The following SPAG16 variants were observed in gnomAD, a reference collection of about 807,000 sequenced individuals.
SPAG16 encodes sperm associated antigen 16.
SPAG16 carries 86 observed loss-of-function variants against 80.4 expected under a neutral mutation model. The ratio of observed to expected loss-of-function variants is 1.07; its 90% confidence interval spans 0.90 to 1.28. The LOEUF is 1.28. Among genes scored for constraint, SPAG16 ranks in the 50% most tolerant of loss-of-function variants. The probability of loss-of-function intolerance (pLI) is 0.00; values close to 1 mark genes in which losing one functional copy is unlikely to be tolerated. For synonymous variants in SPAG16, 294 were observed against 265.9 expected (o/e 1.11, Z -1.03); for missense variants, 870 against 765.3 (o/e 1.14, Z -1.61).
chr2:214,139,174 G>T (rs772152447), intron 14 of SPAG16, among the ~76,000 whole-genome samples: 2 of 152,034 alleles, frequency 1.3e-5, no homozygotes, highest in Non-Finnish European at 2.9e-5. Context: ...TTATATTTAA[G>T]ACAATTTTTT....
At chr2:214,042,808 G>T (rs1162652550) in intron 13 of SPAG16, among the ~76,000 whole-genome samples, 1 of 152,080 alleles carries the variant, frequency 6.6e-6, no homozygotes, top group Non-Finnish European at 1.5e-5. Context: ...CCAAGCTAAA[G>T]TGCTCAGCAG....
At chr2:213,313,940 C>T (rs1008998676) in intron 4 of SPAG16, among the ~76,000 whole-genome samples, 79 of 151,752 alleles carry the variant, frequency 5.2e-4, no homozygotes, top group African/African-American at 1.7e-3. Context: ...TTATAGGCTT[C>T]GTATAAGGAG....
At chr2:213,832,934 C>T (rs1300030239) in intron 10 of SPAG16, among the ~76,000 whole-genome samples, 1 of 152,106 alleles carries the variant, frequency 6.6e-6, no homozygotes, top group African/African-American at 2.4e-5. Flanking sequence ...CACCTCTACA[C>T]TATCTCTACA....
chr2:214,280,929 T>A, intron 15 of SPAG16: 1 of 439,192 alleles, frequency 2.3e-6, no homozygotes, highest in Admixed American at 2.7e-5. Context: ...GCTGATAATG[T>A]GCTTCCAGTG....
At chr2:213,472,130 C>T (rs561521875) in intron 9 of SPAG16, among the ~76,000 whole-genome samples, 42 of 152,048 alleles carry the variant, frequency 2.8e-4, no homozygotes, top group Non-Finnish European at 3.8e-4. Context: ...AAGGTGTCTC[C>T]GAAAAAGATT....
chr2:213,773,094 A>G lies in SPAG16; in HGVS notation c.1071-89391A>G, dbSNP rs180814864. Among the ~76,000 whole-genome samples the G allele has an allele frequency of 3.7e-3, 563 of 152,020 alleles. 18 individuals carry two copies. Among genetic ancestry groups the G allele is most frequent in the Admixed American group, 0.027 (407 of 15,242 alleles). On this transcript the variant is annotated intron_variant, in intron 10 of 15. Transcript: ENST00000331683. ...CTTTGATAATTTTGATATATGCATCATATCTTGATATCATTTGGTTTATCC... is the reference window on the plus strand; with the variant it reads ...CTTTGATAATTTTGATATATGCATCGTATCTTGATATCATTTGGTTTATCC...
chr2:214,312,152 AATG>A (rs1214614505), intron 15 of SPAG16, among the ~76,000 whole-genome samples: 1 of 152,232 alleles, frequency 6.6e-6, no homozygotes, highest in Non-Finnish European at 1.5e-5. Flanking sequence ...GATCGTGTTT[AATG>A]ATATGAATCA....
chr2:213,421,931 A>G (rs574631790), intron 9 of SPAG16, among the ~76,000 whole-genome samples: 112 of 152,222 alleles, frequency 7.4e-4, no homozygotes, highest in Non-Finnish European at 1.3e-3. Flanking sequence ...TGCAGAAATG[A>G]GCTACCCACT....
chr2:214,263,419 C>T (rs1056527777), intron 15 of SPAG16, among the ~76,000 whole-genome samples: 2 of 152,106 alleles, frequency 1.3e-5, no homozygotes, highest in Non-Finnish European at 2.9e-5. Flanking sequence ...GAAATCATTT[C>T]TGTTATAAGC....
At chr2:213,540,429 ATC>A (rs2076406311) in intron 10 of SPAG16, among the ~76,000 whole-genome samples, 1 of 152,208 alleles carries the variant, frequency 6.6e-6, no homozygotes, top group Non-Finnish European at 1.5e-5. Flanking sequence ...ACTTGGGAAT[ATC>A]AGTGTGGATA....
chr2:213,558,221 C>T (rs1225939414), intron 10 of SPAG16, among the ~76,000 whole-genome samples: 2 of 151,992 alleles, frequency 1.3e-5, no homozygotes, highest in African/African-American at 2.4e-5. Context: ...TTTCATCTTC[C>T]ACAGAGCATC....
At chr2:213,658,364 T>C (rs2063298573) in intron 10 of SPAG16, among the ~76,000 whole-genome samples, 1 of 152,148 alleles carries the variant, frequency 6.6e-6, no homozygotes, top group South Asian at 2.1e-4. Flanking sequence ...TAGATCAGGC[T>C]TCCTCTCTCA....
intron 10 of SPAG16, among the ~76,000 whole-genome samples, chr2:213,523,696 T>G (rs1223485882): frequency 6.6e-6 from 1 of 152,158 alleles, no homozygotes; most frequent in African/African-American, 2.4e-5. Context: ...GCTGAGGTGG[T>G]CTCAGGTAGA....
intron 11 of SPAG16, among the ~76,000 whole-genome samples, chr2:213,871,087 A>G (rs1287771317): frequency 1.3e-5 from 2 of 152,142 alleles, no homozygotes; most frequent in Non-Finnish European, 2.9e-5. Context: ...CATACCATTC[A>G]TTATTTCTGA....
intron 10 of SPAG16, among the ~76,000 whole-genome samples, chr2:213,779,064 G>A (rs2069780620): frequency 6.6e-6 from 1 of 152,086 alleles, no homozygotes; most frequent in Non-Finnish European, 1.5e-5. Flanking sequence ...CTGCACAAAT[G>A]CCTTCATCTA....
chr2:213,285,963 G>A, intron 1 of SPAG16: 6 of 1,229,932 alleles, frequency 4.9e-6, no homozygotes, highest in Non-Finnish European at 6.4e-6. Context: ...AATTATTTCC[G>A]TGAACACATA....
chr2:214,021,710 C>A (rs927548290), intron 13 of SPAG16, among the ~76,000 whole-genome samples: 106 of 152,152 alleles, frequency 7.0e-4, no homozygotes, highest in African/African-American at 2.4e-3. Flanking sequence ...TTAAAATAAA[C>A]CTCACTGCAT....
intron 4 of SPAG16, among the ~76,000 whole-genome samples, chr2:213,313,684 A>G (rs573507149): frequency 6.6e-6 from 1 of 152,018 alleles, no homozygotes; most frequent in African/African-American, 2.4e-5. Flanking sequence ...AGGACTTCAG[A>G]AAATATTAAT....
intron 12 of SPAG16, among the ~76,000 whole-genome samples, chr2:213,931,119 G>A (rs145708975): frequency 6.6e-6 from 1 of 152,098 alleles, no homozygotes; most frequent in South Asian, 2.1e-4. Flanking sequence ...TAGTTACTTA[G>A]TTAGCAACTT....
Sources: gnomAD v4.1 joint callset for allele counts (sites outside exome capture counted in the v4.1 genomes callset) on GRCh38, gnomAD v4.1.1 for gene constraint, MANE v1.5 for transcripts, NCBI Gene and HGNC (gene_info 2026-07-23, HGNC 2026-07-21) for gene names.